Variants in KIAA0825 observed in about 807,000 individuals in gnomAD.
KIAA0825 encodes uncharacterized protein KIAA0825.
Under a neutral mutation model 147.6 loss-of-function variants are expected in KIAA0825, and 119 were observed. The ratio of observed to expected loss-of-function variants is 0.81; its 90% CI spans 0.69 to 0.94. The LOEUF (loss-of-function observed/expected upper bound fraction) is 0.94. KIAA0825 is among the 40% of genes least tolerant of loss of function. KIAA0825 has a pLI of 0.00. For synonymous variants in KIAA0825, 470 were observed against 518.1 expected (o/e 0.91, Z 1.26); for missense variants, 1,381 against 1,472.7 (o/e 0.94, Z 1.02).
At chr5:94,403,435 T>C (rs1751649479) in intron 16 of KIAA0825, 134 bp downstream of exon 16, 2 of 636,450 alleles carry the variant, frequency 3.1e-6, no homozygotes, top group South Asian at 4.1e-5. Flanking sequence ...AAAATAAGGG[T>C]CGCACATCTA....
intron 19 of KIAA0825, 62 bp downstream of exon 19, chr5:94,386,180 A>AT: frequency 6.8e-7 from 1 of 1,467,176 alleles, no homozygotes; most frequent in Non-Finnish European, 9.1e-7. Flanking sequence ...ACACAAAGCA[A>AT]TTTTTTCTTA....
chr5:94,563,357 CAAAA>C (rs35396980), intron 2 of KIAA0825, among the ~76,000 whole-genome samples: 1 of 131,286 alleles, frequency 7.6e-6, no homozygotes, highest in Admixed American at 7.9e-5. Context: ...GACTCCGTCT[CAAAA>C]AAAAAAAAAA....
chr5:94,525,475 C>T (rs1490619159), intron 3 of KIAA0825, among the ~76,000 whole-genome samples: 1 of 151,858 alleles, frequency 6.6e-6, no homozygotes, highest in Non-Finnish European at 1.5e-5. Context: ...AAAACAATAC[C>T]TCCTCTGGCC....
chr5:94,175,538 G>A (rs188784189), intron 20 of KIAA0825, among the ~76,000 whole-genome samples: 59 of 152,260 alleles, frequency 3.9e-4, no homozygotes, highest in African/African-American at 1.4e-3. Flanking sequence ...CTTGGAAGAA[G>A]GCCTTATGAC....
At chr5:94,200,069 T>C (rs1771519881) in intron 20 of KIAA0825, among the ~76,000 whole-genome samples, 1 of 152,126 alleles carries the variant, frequency 6.6e-6, no homozygotes, top group Non-Finnish European at 1.5e-5. Context: ...GTGGTGAGCC[T>C]TGGGGTTGGG....
intron 20 of KIAA0825, among the ~76,000 whole-genome samples, chr5:94,292,709 C>A (rs1777954011): frequency 6.6e-6 from 1 of 152,094 alleles, no homozygotes; most frequent in African/African-American, 2.4e-5. Context: ...CCTCTTTGTA[C>A]CTCTGGTAGA....
chr5:94,262,918 C>T (rs1416222788), intron 20 of KIAA0825, among the ~76,000 whole-genome samples: 1 of 152,130 alleles, frequency 6.6e-6, no homozygotes, highest in Non-Finnish European at 1.5e-5. Flanking sequence ...ACACAGTCTT[C>T]TCTACCTCCG....
chr5:94,443,636 A>ATCAT (rs1468563752), intron 13 of KIAA0825, among the ~76,000 whole-genome samples: 1 of 152,216 alleles, frequency 6.6e-6, no homozygotes, highest in Non-Finnish European at 1.5e-5. Context: ...TTTTTATAAA[A>ATCAT]TCATTGTGAA....
chr5:94,283,928 A>G (rs1290350371), intron 20 of KIAA0825, among the ~76,000 whole-genome samples: 1 of 152,134 alleles, frequency 6.6e-6, no homozygotes, highest in Non-Finnish European at 1.5e-5. Flanking sequence ...AAATGTTGAT[A>G]TATCTTAAAG....
At chr5:94,215,526 T>G in intron 20 of KIAA0825, among the ~76,000 whole-genome samples, 1 of 152,194 alleles carries the variant, frequency 6.6e-6, no homozygotes, top group East Asian at 1.9e-4. Context: ...TGGTTTTGTT[T>G]GGAGATAAAT....
At chr5:94,249,610 C>G (rs1775835913) in intron 20 of KIAA0825, among the ~76,000 whole-genome samples, 2 of 152,010 alleles carry the variant, frequency 1.3e-5, no homozygotes, top group Non-Finnish European at 2.9e-5. Flanking sequence ...TCATTCCCAC[C>G]CCAGGGCTCT....
chr5:94,569,742 A>C (rs1779536412), intron 2 of KIAA0825: 1 of 283,196 alleles, frequency 3.5e-6, no homozygotes, highest in East Asian at 6.1e-5. Flanking sequence ...TCAATCGCCC[A>C]CATCACCTGA....
At chr5:94,240,439 G>T (rs2150103173) in intron 20 of KIAA0825, among the ~76,000 whole-genome samples, 1 of 152,298 alleles carries the variant, frequency 6.6e-6, no homozygotes, top group South Asian at 2.1e-4. Flanking sequence ...ACACTGTTTG[G>T]TTTTCTGATA....
intron 20 of KIAA0825, among the ~76,000 whole-genome samples, chr5:94,335,561 TATC>T (rs1478272309): frequency 3.9e-5 from 6 of 152,236 alleles, no homozygotes; most frequent in Non-Finnish European, 8.8e-5. Flanking sequence ...TATGTAAAAA[TATC>T]ATATTGGAAA....
chr5:94,179,864 A>ATT lies in KIAA0825; in HGVS notation c.3711-25741_3711-25740insAA, dbSNP rs2149973601. ...AATATACATGAATCCATACTAATAT[A>ATT]AATAATAACTGAGTAAATTGGGGAG... is the stretch of plus-strand genomic sequence containing the variant. On this transcript the variant is annotated intron_variant, in intron 20 of 20. Coordinates refer to ENST00000682413, the MANE Select transcript of KIAA0825 (RefSeq NM_001145678.3). 3.3e-5 allele frequency among the ~76,000 whole-genome samples: 5 copies of ATT among 152,180 alleles called. No individual in the cohort carries two copies. In the South Asian group the frequency reaches 1.0e-3, roughly 32 times the overall value.
chr5:94,245,700 AC>A (rs1775568961), intron 20 of KIAA0825, among the ~76,000 whole-genome samples: 1 of 152,114 alleles, frequency 6.6e-6, no homozygotes, highest in South Asian at 2.1e-4. Context: ...TGATACAAAG[AC>A]AGGAAATTCA....
At chr5:94,574,007 G>T (rs150917653) in intron 2 of KIAA0825, among the ~76,000 whole-genome samples, 1 of 152,144 alleles carries the variant, frequency 6.6e-6, no homozygotes, top group African/African-American at 2.4e-5. Flanking sequence ...AGCTAATGGT[G>T]TATCAACTGA....
At chr5:94,607,981 T>TA (rs1021224779) in intron 1 of KIAA0825, among the ~76,000 whole-genome samples, 1 of 152,200 alleles carries the variant, frequency 6.6e-6, no homozygotes, top group African/African-American at 2.4e-5. Context: ...AGAACCCTTG[T>TA]AATTACATTG....
chr5:94,292,809 G>A (rs1273597300), intron 20 of KIAA0825, among the ~76,000 whole-genome samples: 2 of 152,092 alleles, frequency 1.3e-5, no homozygotes. Flanking sequence ...GGTCTATTCA[G>A]GGATTCAACT....
Sources: gnomAD v4.1 joint callset for allele counts (sites outside exome capture counted in the v4.1 genomes callset) on GRCh38, gnomAD v4.1.1 for gene constraint, MANE v1.5 for transcripts, NCBI Gene and HGNC (gene_info 2026-07-23, HGNC 2026-07-21) for gene names.